TTC29: variants seen among roughly 807,000 people sequenced by gnomAD.
TTC29 encodes tetratricopeptide repeat protein 29.
Under a neutral mutation model 58.1 loss-of-function variants are expected in TTC29, and 49 were observed. The observed-to-expected ratio is 0.84, with a 90% confidence interval of 0.67 to 1.07. TTC29 has a LOEUF of 1.07. Ranked by LOEUF, TTC29 falls within the 50% of genes least tolerant of loss-of-function variation. The pLI, the probability that TTC29 is intolerant of heterozygous loss-of-function variation, is 0.00. For missense variants in TTC29, 582 were observed against 555.6 expected, an observed-to-expected ratio of 1.05 and a Z score of -0.48; for synonymous variants, 209 against 196.8, an observed-to-expected ratio of 1.06 and a Z score of -0.52.
In TTC29 at chr4:146,909,137, C is replaced by A. The variant is rs1164126766; in HGVS notation, c.289G>T (p.Ala97Ser). ...CAGAAGAGGGACCTGACTCTCGCAGCCTCCCTCAGGGCATCCCACCGCTCC... is the reference window on the plus strand; with the variant it reads ...CAGAAGAGGGACCTGACTCTCGCAGACTCCCTCAGGGCATCCCACCGCTCC... ...LMERWDALRE[A>S]ARVRSLFWLQ... Residue 97 changes from alanine (A) to serine (S), a missense_variant, in exon 5 of 13, where the codon GCT becomes TCT. Coordinates refer to ENST00000325106, the MANE Select transcript of TTC29 (RefSeq NM_031956.4). 12 of 1,613,672 alleles carry A rather than the reference C, an allele frequency of 7.4e-6. No individual in the cohort carries two copies. Among genetic ancestry groups the A allele is most frequent in the Admixed American group, 1.7e-5 (1 of 59,994 alleles).
chr4:146,807,597 G>A (rs1296794150), intron 10 of TTC29, among the ~76,000 whole-genome samples: 1 of 152,102 alleles, frequency 6.6e-6, no homozygotes. Context: ...TACCATCAGA[G>A]AATACTATAA....
rs188538769 is a variant in TTC29, at chr4:146,854,419, C to A, written c.885+13079G>T. Reference sequence around the variant, plus strand: ...GGTTGCAATCAAAAATATTTTGTGGCCACGTTATTTCACGTTATTTATTTG... The same window carrying A: ...GGTTGCAATCAAAAATATTTTGTGGACACGTTATTTCACGTTATTTATTTG... On this transcript the variant is annotated intron_variant, in intron 8 of 12. Transcript: ENST00000325106. 5.3e-5 allele frequency among the ~76,000 whole-genome samples: 8 copies of A among 152,270 alleles called. No individual in the cohort carries two copies. The East Asian group carries it at 1.5e-3, about 29-fold the overall frequency.
chr4:146,751,454 G>A (rs956595629), intron 11 of TTC29, among the ~76,000 whole-genome samples: 21 of 152,250 alleles, frequency 1.4e-4, no homozygotes, highest in African/African-American at 3.6e-4. Flanking sequence ...CAGACCATAC[G>A]TTAGGCCACA....
At chr4:146,900,455 T>G (rs1466606184) in intron 6 of TTC29, among the ~76,000 whole-genome samples, 1 of 152,136 alleles carries the variant, frequency 6.6e-6, no homozygotes. Context: ...GAGTGTAATC[T>G]CATGGCAGAC....
chr4:146,764,816 A>G (rs1747169527), intron 11 of TTC29, among the ~76,000 whole-genome samples: 1 of 152,092 alleles, frequency 6.6e-6, no homozygotes, highest in Non-Finnish European at 1.5e-5. Context: ...ATTCAGTTCA[A>G]ACAGGATGAT....
At chr4:146,832,728 G>A (rs9799698) in intron 9 of TTC29, among the ~76,000 whole-genome samples, 9,535 of 152,050 alleles carry the variant, frequency 0.063, 403 homozygotes, top group Admixed American at 0.13. Flanking sequence ...CTGACCTCAG[G>A]TGATCTGCTC....
chr4:146,879,915 T>C (rs962510310), intron 6 of TTC29, among the ~76,000 whole-genome samples: 3 of 152,152 alleles, frequency 2.0e-5, no homozygotes, highest in Non-Finnish European at 4.4e-5. Flanking sequence ...GTGAGTTTTA[T>C]CATGGTGCAC....
intron 4 of TTC29, among the ~76,000 whole-genome samples, chr4:146,910,446 A>C (rs1298224787): frequency 4.6e-5 from 7 of 152,132 alleles, no homozygotes; most frequent in Non-Finnish European, 8.8e-5. Context: ...ACTTGCATCT[A>C]CCAAGGATTT....
chr4:146,943,428 G>C (rs573936450), intron 2 of TTC29, among the ~76,000 whole-genome samples: 1 of 151,440 alleles, frequency 6.6e-6, no homozygotes, highest in East Asian at 1.9e-4. Context: ...GAATGATAAA[G>C]TGGAAAAAAA....
At chr4:146,839,297 A>G (rs78989208) in intron 8 of TTC29, among the ~76,000 whole-genome samples, 10,112 of 152,114 alleles carry the variant, frequency 0.066, 442 homozygotes, top group Admixed American at 0.13. Context: ...CTAGGAAATC[A>G]TAGTTAATAA....
At chr4:146,793,513 CAGACT>C (rs1040852695) in intron 11 of TTC29, among the ~76,000 whole-genome samples, 8 of 151,992 alleles carry the variant, frequency 5.3e-5, no homozygotes, top group Admixed American at 3.9e-4. Flanking sequence ...GCACACCTAA[CAGACT>C]AAAGTGCAGT....
chr4:146,922,408 A>T (rs1335377055), intron 4 of TTC29, among the ~76,000 whole-genome samples: 1 of 151,778 alleles, frequency 6.6e-6, no homozygotes, highest in African/African-American at 2.4e-5. Flanking sequence ...AAAGAAAAAG[A>T]TATCTGTGCA....
At chr4:146,707,734 C>A (rs1270280207) in intron 11 of TTC29, among the ~76,000 whole-genome samples, 183 bp from the exon 12 acceptor site, 1 of 152,116 alleles carries the variant, frequency 6.6e-6, no homozygotes, top group Non-Finnish European at 1.5e-5. Context: ...TCCCACTCCA[C>A]ATGTTCCTGT....
intron 11 of TTC29, among the ~76,000 whole-genome samples, chr4:146,730,834 G>T (rs1043915137): frequency 6.6e-6 from 1 of 152,198 alleles, no homozygotes; most frequent in African/African-American, 2.4e-5. Context: ...GTGGATTCAG[G>T]AAAGAATAGG....
chr4:146,855,076 C>T (rs906989529), intron 8 of TTC29, among the ~76,000 whole-genome samples: 1 of 152,082 alleles, frequency 6.6e-6, no homozygotes. Flanking sequence ...ATGGGTGATT[C>T]GCTTGAGGTC....
At chr4:146,941,067 A>G (rs1355037655) in intron 2 of TTC29, among the ~76,000 whole-genome samples, 1 of 152,180 alleles carries the variant, frequency 6.6e-6, no homozygotes, top group Admixed American at 6.5e-5. Flanking sequence ...TCTAAATCCT[A>G]TTCCAAAGAG....
chr4:146,890,747 G>C (rs1732298743), intron 6 of TTC29, among the ~76,000 whole-genome samples: 1 of 152,222 alleles, frequency 6.6e-6, no homozygotes, highest in South Asian at 2.1e-4. Flanking sequence ...ATCCATCACT[G>C]GGAAAGCTGT....
chr4:146,867,050 C>T lies in TTC29; in HGVS notation c.885+448G>A, dbSNP rs62328023. On this transcript the variant is annotated intron_variant, in intron 8 of 12. Transcript: ENST00000325106. ...CCCACCTCCACCTCTGTTGCCTCCC[C>T]ACTACCTGCACTGAAGATATACATC... 9.9e-3 allele frequency among the ~76,000 whole-genome samples: 1,513 copies of T among 152,304 alleles called. 16 individuals carry two copies. Among genetic ancestry groups the T allele is most frequent in the South Asian group, 0.024 (115 of 4,824 alleles).
chr4:146,880,964 A>G (rs1487706763), intron 6 of TTC29, among the ~76,000 whole-genome samples: 1 of 152,142 alleles, frequency 6.6e-6, no homozygotes, highest in Non-Finnish European at 1.5e-5. Flanking sequence ...AAGAAAAAAA[A>G]GGAAAAAAAG....
Sources: allele counts gnomAD v4.1 joint callset (sites outside exome capture counted in the v4.1 genomes callset), GRCh38; gene constraint gnomAD v4.1.1; transcripts MANE v1.5; gene names NCBI Gene and HGNC (gene_info 2026-07-23, HGNC 2026-07-21).